The following DDX31 variants were observed in gnomAD, a reference collection of about 807,000 sequenced individuals.
DDX31 encodes the protein DEAD-box helicase 31.
Under a neutral mutation model 91.3 loss-of-function variants are expected in DDX31, and 70 were observed. The ratio of observed to expected loss-of-function variants is 0.77; its 90% CI spans 0.63 to 0.94. The LOEUF (loss-of-function observed/expected upper bound fraction) is 0.94, where lower values mean the gene tolerates loss of function less well. Ranked by LOEUF, DDX31 falls within the 40% of genes least tolerant of loss-of-function variation. The pLI, the probability that DDX31 is intolerant of heterozygous loss-of-function variation, is 0.00. For missense variants in DDX31, 902 were observed against 925.0 expected (o/e 0.98, Z 0.32); for synonymous variants, 362 against 350.6 (o/e 1.03, Z -0.36).
intron 1 of DDX31, among the ~76,000 whole-genome samples, chr9:132,668,746 T>C (rs1216431740): frequency 6.6e-6 from 1 of 152,112 alleles, no homozygotes; most frequent in East Asian, 1.9e-4. Context: ...TTTTTGTATT[T>C]TTAGTAGAGA....
At chr9:132,669,692 T>G in intron 1 of DDX31, 168 bp downstream of exon 1, 1 of 1,533,690 alleles carries the variant, frequency 6.5e-7, no homozygotes, top group Non-Finnish European at 8.7e-7. Flanking sequence ...GGTGTTCCGG[T>G]TAGAGACACG....
At chr9:132,602,544 A>G (rs965556402) in intron 19 of DDX31, among the ~76,000 whole-genome samples, 3 of 152,202 alleles carry the variant, frequency 2.0e-5, no homozygotes, top group Admixed American at 2.0e-4. Context: ...TTGGCTTCAA[A>G]ACCCACGCTC....
chr9:132,601,849 A>G (rs541037756), intron 19 of DDX31, among the ~76,000 whole-genome samples: 2 of 152,356 alleles, frequency 1.3e-5, no homozygotes, highest in Non-Finnish European at 2.9e-5. Context: ...CGGCCAAGGT[A>G]CTTATTTCTC....
chr9:132,669,277 T>C (rs1260779503), intron 1 of DDX31, among the ~76,000 whole-genome samples: 1 of 110,876 alleles, frequency 9.0e-6, no homozygotes, highest in Non-Finnish European at 1.7e-5. Flanking sequence ...AGAACAGCTT[T>C]GCAAAGCCAT....
chr9:132,628,419 T>C (rs1832526902), intron 16 of DDX31, among the ~76,000 whole-genome samples: 1 of 152,126 alleles, frequency 6.6e-6, no homozygotes, highest in Non-Finnish European at 1.5e-5. Flanking sequence ...GCGGGCACAC[T>C]ATTTTTTCCA....
rs201211063 is a variant in DDX31, at chr9:132,623,208, C to T, written c.1713+2456G>A. On this transcript the variant is annotated intron_variant, in intron 17 of 19. Coordinates refer to ENST00000372159, the MANE Select transcript of DDX31 (RefSeq NM_022779.9). ...ATTTCCCACACAATCCTCTGACGTC[C>T]TTAAAAGAACACTATTTTATCTCAA... 2.6e-5 allele frequency among the ~76,000 whole-genome samples: 4 copies of T among 151,910 alleles called. No individual in the cohort carries two copies. The East Asian group carries it at 7.8e-4, about 30-fold the overall frequency.
chr9:132,621,970 G>A (rs1013968538), intron 17 of DDX31, among the ~76,000 whole-genome samples: 7 of 141,046 alleles, frequency 5.0e-5, no homozygotes, highest in Middle Eastern at 7.9e-3. Flanking sequence ...TATCATGAAA[G>A]CCCAAACTTA....
chr9:132,638,102 CAAGG>C, intron 14 of DDX31: 1 of 1,357,504 alleles, frequency 7.4e-7, no homozygotes, highest in Non-Finnish European at 9.5e-7. Flanking sequence ...GCCGGACAGC[CAAGG>C]AGGATGCCAA....
At chr9:132,641,963 A>G in intron 14 of DDX31, 41 bp downstream of exon 14, 1 of 1,586,850 alleles carries the variant, frequency 6.3e-7, no homozygotes, top group Non-Finnish European at 8.7e-7. Context: ...GCCATCACAG[A>G]AATGTATCAG....
chr9:132,669,630 C>T, intron 1 of DDX31: 1 of 1,529,884 alleles, frequency 6.5e-7, no homozygotes, highest in Non-Finnish European at 8.7e-7. Flanking sequence ...GAGCCAGCTC[C>T]CCGCCCCTCC....
chr9:132,640,362 A>C (rs1833419355), intron 14 of DDX31, among the ~76,000 whole-genome samples: 1 of 152,204 alleles, frequency 6.6e-6, no homozygotes, highest in Admixed American at 6.5e-5. Context: ...CAGATGATAC[A>C]TTCCAGGACT....
chr9:132,596,712 G>A (rs1055653350), intron 19 of DDX31, among the ~76,000 whole-genome samples: 6 of 152,220 alleles, frequency 3.9e-5, no homozygotes, highest in African/African-American at 9.6e-5. Flanking sequence ...GGCAGAGAAC[G>A]ATTTGCCGGG....
chr9:132,597,659 T>C (rs1390064472), intron 19 of DDX31, among the ~76,000 whole-genome samples: 1 of 152,146 alleles, frequency 6.6e-6, no homozygotes, highest in Admixed American at 6.5e-5. Context: ...GGGAGCATCT[T>C]CCAGGCACCA....
At chr9:132,656,457 G>A (rs760251521) in intron 6 of DDX31, among the ~76,000 whole-genome samples, 5 of 152,188 alleles carry the variant, frequency 3.3e-5, no homozygotes, top group Middle Eastern at 6.8e-3. Context: ...CGTTGCTGAC[G>A]ATGGCTAAAG....
At chr9:132,636,692 C>G (rs554454812) in intron 14 of DDX31, among the ~76,000 whole-genome samples, 2 of 152,180 alleles carry the variant, frequency 1.3e-5, no homozygotes, top group East Asian at 3.8e-4. Flanking sequence ...CCCACTAATG[C>G]GTGTGTTGGG....
intron 19 of DDX31, among the ~76,000 whole-genome samples, chr9:132,599,123 T>C (rs954880981): frequency 6.6e-6 from 1 of 152,186 alleles, no homozygotes; most frequent in African/African-American, 2.4e-5. Context: ...GTAAAACAGG[T>C]AAAATCAAAG....
chr9:132,599,157 T>G (rs1259022507), intron 19 of DDX31, among the ~76,000 whole-genome samples: 2 of 152,226 alleles, frequency 1.3e-5, no homozygotes, highest in Non-Finnish European at 2.9e-5. Context: ...CTACATGACA[T>G]AGGCATTTAA....
At chr9:132,636,550 CTG>C (rs1356110855) in intron 14 of DDX31, among the ~76,000 whole-genome samples, 3 of 152,228 alleles carry the variant, frequency 2.0e-5, no homozygotes, top group Non-Finnish European at 4.4e-5. Context: ...ATGAAACTCA[CTG>C]TGAGTCCAAA....
chr9:132,613,626 T>G (rs1831471848), intron 18 of DDX31, among the ~76,000 whole-genome samples: 1 of 152,162 alleles, frequency 6.6e-6, no homozygotes, highest in African/African-American at 2.4e-5. Flanking sequence ...CCTGGAAGGC[T>G]GAGGATGGAG....
Sources: gnomAD v4.1 joint callset for allele counts (sites outside exome capture counted in the v4.1 genomes callset) on GRCh38, gnomAD v4.1.1 for gene constraint, MANE v1.5 for transcripts, NCBI Gene and HGNC (gene_info 2026-07-23, HGNC 2026-07-21) for gene names.